The following CNTNAP2 variants were observed in gnomAD, a reference collection of about 807,000 sequenced individuals.
CNTNAP2 encodes the protein contactin associated protein 2.
CNTNAP2 carries 98 observed loss-of-function variants against 155.2 expected under a neutral mutation model. The ratio of observed to expected loss-of-function variants is 0.63; its 90% confidence interval spans 0.54 to 0.75. CNTNAP2 has a LOEUF of 0.75. CNTNAP2 is among the 30% of genes least tolerant of loss of function. The pLI is 0.00. For missense variants in CNTNAP2, 1,727 were observed against 1,688.1 expected, an observed-to-expected ratio of 1.02 and a Z score of -0.40; for synonymous variants, 651 against 631.2, an observed-to-expected ratio of 1.03 and a Z score of -0.47.
intron 12 of CNTNAP2, among the ~76,000 whole-genome samples, chr7:147,605,915 CTG>C (rs144478388): frequency 2.6e-5 from 4 of 151,098 alleles, no homozygotes; most frequent in African/African-American, 4.9e-5. Context: ...TTCTCTCTCT[CTG>C]TGTGTGTGTG....
chr7:147,990,627 T>G (rs997013303), intron 15 of CNTNAP2, among the ~76,000 whole-genome samples: 5 of 152,110 alleles, frequency 3.3e-5, no homozygotes, highest in African/African-American at 1.2e-4. Flanking sequence ...CATTTGTGGT[T>G]TATGGTCATG....
chr7:146,188,235 C>T (rs1244821019), intron 1 of CNTNAP2, among the ~76,000 whole-genome samples: 2 of 152,130 alleles, frequency 1.3e-5, no homozygotes, highest in Non-Finnish European at 2.9e-5. Context: ...CTGAATTCAG[C>T]CCATTCTTCT....
intron 13 of CNTNAP2, among the ~76,000 whole-genome samples, chr7:147,821,407 G>A (rs1398766205): frequency 1.3e-5 from 2 of 152,094 alleles, no homozygotes; most frequent in Non-Finnish European, 2.9e-5. Context: ...TGGTAATACA[G>A]AAGGCAACAA....
chr7:146,253,276 C>G (rs1363901687), intron 1 of CNTNAP2, among the ~76,000 whole-genome samples: 1 of 152,216 alleles, frequency 6.6e-6, no homozygotes, highest in African/African-American at 2.4e-5. Flanking sequence ...TCTAGCCACA[C>G]TACTCCTTTG....
intron 8 of CNTNAP2, among the ~76,000 whole-genome samples, chr7:147,218,840 A>C (rs958408204): frequency 6.6e-6 from 1 of 152,146 alleles, no homozygotes; most frequent in Non-Finnish European, 1.5e-5. Context: ...CTCCAACTAT[A>C]ATGGTGGATT....
intron 11 of CNTNAP2, among the ~76,000 whole-genome samples, chr7:147,527,389 A>G (rs142936180): frequency 2.0e-5 from 3 of 152,242 alleles, no homozygotes; most frequent in East Asian, 1.9e-4. Context: ...TAGAGAGCAT[A>G]CCCAAGGTCC....
At chr7:146,432,165 A>C (rs2129117185) in intron 1 of CNTNAP2, among the ~76,000 whole-genome samples, 1 of 152,284 alleles carries the variant, frequency 6.6e-6, no homozygotes, top group Non-Finnish European at 1.5e-5. Context: ...CAATTTACTC[A>C]TTGATGTAGA....
Position 146,863,981 on chromosome 7 carries a change from G to A in CNTNAP2, c.402+24077G>A, listed in dbSNP as rs137908712. 3.3e-3 allele frequency among the ~76,000 whole-genome samples: 503 copies of A among 152,090 alleles called. 5 individuals are homozygous for A. The highest frequency in any genetic ancestry group is 0.011 in the African/African-American group (476 of 41,528). ...GATAGAGGTTGTTGTTAAAGGTATA[G>A]TTGTTTTCTTCTTCAGTTTTATTTT... On this transcript the variant is annotated intron_variant, in intron 3 of 23. Transcript: ENST00000361727.
chr7:146,977,735 T>G (rs922265218), intron 3 of CNTNAP2, among the ~76,000 whole-genome samples: 1 of 152,240 alleles, frequency 6.6e-6, no homozygotes, highest in Non-Finnish European at 1.5e-5. Context: ...ATGTATGTAT[T>G]TATTTTGGTG....
chr7:147,640,015 A>C (rs911746291), intron 13 of CNTNAP2, among the ~76,000 whole-genome samples: 1 of 151,586 alleles, frequency 6.6e-6, no homozygotes, highest in East Asian at 1.9e-4. Context: ...AGTAAAACAC[A>C]GTGGAAATAA....
At chr7:146,661,958 A>G (rs1479780065) in intron 1 of CNTNAP2, among the ~76,000 whole-genome samples, 1 of 152,126 alleles carries the variant, frequency 6.6e-6, no homozygotes, top group African/African-American at 2.4e-5. Flanking sequence ...CATATTTGTC[A>G]GCAATTGGTA....
intron 1 of CNTNAP2, among the ~76,000 whole-genome samples, chr7:146,412,660 T>A (rs1221223301): frequency 1.3e-5 from 2 of 152,300 alleles, no homozygotes; most frequent in Non-Finnish European, 1.5e-5. Context: ...TCGGTGCATA[T>A]TAAAGTTGTG....
chr7:146,953,512 A>G (rs1188126456), intron 3 of CNTNAP2, among the ~76,000 whole-genome samples: 1 of 152,024 alleles, frequency 6.6e-6, no homozygotes, highest in African/African-American at 2.4e-5. Flanking sequence ...TTTTCTGGAA[A>G]CTAGGGAAAA....
At chr7:148,219,826 G>A (rs761244496) in intron 19 of CNTNAP2, among the ~76,000 whole-genome samples, 6 of 152,026 alleles carry the variant, frequency 3.9e-5, no homozygotes, top group Non-Finnish European at 5.9e-5. Flanking sequence ...ACTCCAGCCT[G>A]TATAACAGAG....
chr7:146,234,822 C>T (rs1799444924), intron 1 of CNTNAP2, among the ~76,000 whole-genome samples: 1 of 152,188 alleles, frequency 6.6e-6, no homozygotes, highest in Non-Finnish European at 1.5e-5. Flanking sequence ...TACCAGGTAG[C>T]ACTGCCACAT....
chr7:147,324,945 G>C (rs1468848930), intron 9 of CNTNAP2, among the ~76,000 whole-genome samples: 1 of 152,146 alleles, frequency 6.6e-6, no homozygotes, highest in Admixed American at 6.5e-5. Context: ...GTAGGTAATG[G>C]CAGAAGTGTG....
intron 13 of CNTNAP2, among the ~76,000 whole-genome samples, chr7:147,682,710 A>G (rs996541357): frequency 6.6e-6 from 1 of 151,928 alleles, no homozygotes; most frequent in Admixed American, 6.6e-5. Flanking sequence ...CCAGGGACCT[A>G]GATAACAACT....
chr7:147,215,486 A>G (rs532030259), intron 8 of CNTNAP2, among the ~76,000 whole-genome samples: 1 of 152,266 alleles, frequency 6.6e-6, no homozygotes, highest in South Asian at 2.1e-4. Context: ...TTCACTTAGT[A>G]ATATGTGTTT....
intron 1 of CNTNAP2, among the ~76,000 whole-genome samples, chr7:146,503,690 C>T (rs1797339581): frequency 1.3e-5 from 2 of 152,206 alleles, no homozygotes; most frequent in African/African-American, 4.8e-5. Context: ...ATTGAAGAGA[C>T]TGTACTTTAC....
Sources: gnomAD v4.1 joint callset for allele counts (sites outside exome capture counted in the v4.1 genomes callset) on GRCh38, gnomAD v4.1.1 for gene constraint, MANE v1.5 for transcripts, NCBI Gene and HGNC (gene_info 2026-07-23, HGNC 2026-07-21) for gene names.